ANKS1B: variants seen among roughly 807,000 people sequenced by gnomAD.
ANKS1B encodes ankyrin repeat and sterile alpha motif domain-containing protein 1B.
A neutral mutation model predicts 148.3 loss-of-function variants in ANKS1B; 36 were observed. That is an observed-to-expected ratio of 0.24 (90% CI 0.19 to 0.32). The LOEUF (loss-of-function observed/expected upper bound fraction) is 0.32. Among genes scored for constraint, ANKS1B ranks in the 10% least tolerant of loss-of-function variants. The pLI is 1.00. For missense variants in ANKS1B, 1,157 were observed against 1,542.6 expected (o/e 0.75, Z 4.19); for synonymous variants, 542 against 560.8 (o/e 0.97, Z 0.47).
At chr12:99,048,429 T>C (rs2099963838) in intron 17 of ANKS1B, among the ~76,000 whole-genome samples, 1 of 152,194 alleles carries the variant, frequency 6.6e-6, no homozygotes, top group South Asian at 2.1e-4. Flanking sequence ...ATTTCTGATA[T>C]CAATGCTTTA....
chr12:98,939,453 T>C (rs2099831659), intron 17 of ANKS1B, among the ~76,000 whole-genome samples: 2 of 152,212 alleles, frequency 1.3e-5, no homozygotes, highest in South Asian at 4.1e-4. Flanking sequence ...TGCGGTTAAT[T>C]TTTTTAAGAG....
chr12:99,586,924 T>C (rs2097648153), intron 9 of ANKS1B, among the ~76,000 whole-genome samples: 3 of 152,060 alleles, frequency 2.0e-5, no homozygotes, highest in South Asian at 2.1e-4. Flanking sequence ...TTCCACAACA[T>C]GTAAGAATTA....
intron 1 of ANKS1B, among the ~76,000 whole-genome samples, chr12:99,838,432 C>T (rs760878749): frequency 3.3e-5 from 5 of 152,000 alleles, no homozygotes; most frequent in Non-Finnish European, 4.4e-5. Context: ...TTCATTTTTT[C>T]TATGAGTAGC....
intron 16 of ANKS1B, 52 bp from the exon 17 acceptor site, chr12:99,053,361 C>A (rs3794799): frequency 0.61 from 834,082 of 1,376,116 alleles, 258,560 homozygotes; most frequent in East Asian, 0.71. Context: ...TGTGTCCCAA[C>A]AACAGAATGC....
At chr12:99,129,333 G>C (rs1437267073) in intron 15 of ANKS1B, among the ~76,000 whole-genome samples, 1 of 152,088 alleles carries the variant, frequency 6.6e-6, no homozygotes, top group Non-Finnish European at 1.5e-5. Flanking sequence ...GCAAACCATT[G>C]GCTAAAACCT....
chr12:98,754,443 T>C (rs1045823597), intron 25 of ANKS1B, among the ~76,000 whole-genome samples: 1 of 152,172 alleles, frequency 6.6e-6, no homozygotes, highest in Admixed American at 6.5e-5. Flanking sequence ...AGTCTCACAA[T>C]GAAGACACAG....
intron 12 of ANKS1B, among the ~76,000 whole-genome samples, chr12:99,369,750 AT>A (rs2092989476): frequency 8.4e-6 from 1 of 119,308 alleles, no homozygotes; most frequent in African/African-American, 3.4e-5. Flanking sequence ...GGATAGAAAG[AT>A]AGATAGATAG....
At chr12:98,771,929 A>G (rs1196449015) in intron 25 of ANKS1B, among the ~76,000 whole-genome samples, 3 of 152,202 alleles carry the variant, frequency 2.0e-5, no homozygotes, top group Non-Finnish European at 4.4e-5. Context: ...AGAAATGGCT[A>G]CTAGAGAAAC....
At chr12:98,926,011 G>A (rs1231742758) in intron 17 of ANKS1B, among the ~76,000 whole-genome samples, 1 of 152,130 alleles carries the variant, frequency 6.6e-6, no homozygotes, top group African/African-American at 2.4e-5. Flanking sequence ...GGTTTGAAAA[G>A]CTCTGATAGA....
At chr12:99,415,760 G>C (rs1216469575) in intron 11 of ANKS1B, among the ~76,000 whole-genome samples, 1 of 151,490 alleles carries the variant, frequency 6.6e-6, no homozygotes. Flanking sequence ...CTCGGCTCAC[G>C]GCAAGCTCCG....
chr12:99,052,555 G>A (rs569073268), intron 17 of ANKS1B, among the ~76,000 whole-genome samples: 5 of 147,854 alleles, frequency 3.4e-5, no homozygotes, highest in African/African-American at 5.0e-5. Flanking sequence ...GTGAAACCCC[G>A]TCTCTACTAA....
chr12:99,683,843 T>A (rs1032925836), intron 8 of ANKS1B, among the ~76,000 whole-genome samples: 2 of 151,930 alleles, frequency 1.3e-5, no homozygotes, highest in African/African-American at 2.4e-5. Context: ...ATGTGATACA[T>A]CATATAAACA....
chr12:99,621,538 C>A (rs923155473), intron 9 of ANKS1B, among the ~76,000 whole-genome samples: 1 of 149,954 alleles, frequency 6.7e-6, no homozygotes, highest in Non-Finnish European at 1.5e-5. Flanking sequence ...CACCCATAAG[C>A]TCAAGGTAAA....
Position 98,860,465 on chromosome 12 carries a change from C to T in ANKS1B, c.2779-28329G>A, listed in dbSNP as rs2099593418. The stretch of plus-strand genomic sequence containing the variant: ...TAAACCTTGATAGACAAGCACACTA[C>T]AGCCCTCATCCAAAATATGCACAAA... On this transcript the variant is annotated intron_variant, in intron 17 of 26. Transcript: ENST00000683438. 2.0e-5 allele frequency among the ~76,000 whole-genome samples: 3 copies of T among 152,182 alleles called. No homozygotes were observed. The South Asian group carries it at 6.2e-4, about 31-fold the overall frequency.
intron 1 of ANKS1B, among the ~76,000 whole-genome samples, chr12:99,860,162 T>C (rs1378953125): frequency 6.6e-6 from 1 of 152,188 alleles, no homozygotes; most frequent in Non-Finnish European, 1.5e-5. Context: ...GGTGTTAAGA[T>C]AAAATTCTAT....
intron 8 of ANKS1B, among the ~76,000 whole-genome samples, chr12:99,746,050 T>C (rs1415866878): frequency 2.0e-5 from 3 of 152,094 alleles, no homozygotes; most frequent in African/African-American, 7.2e-5. Flanking sequence ...ACAAAAAGAC[T>C]CAGTTATGTA....
chr12:99,237,961 C>T (rs1018876518), intron 14 of ANKS1B, among the ~76,000 whole-genome samples: 2 of 152,196 alleles, frequency 1.3e-5, no homozygotes, highest in African/African-American at 4.8e-5. Flanking sequence ...GAGCTCTGGT[C>T]TGCAGTTCCC....
Position 99,185,745 on chromosome 12 carries a change from C to G in ANKS1B, c.2420-31350G>C, listed in dbSNP as rs547190468. ...ACGCTTTTCCCATGGTCTTCGCAAC[C>G]TGCAGACCAGGAGATTCCTCCAGTG... On this transcript the variant is annotated intron_variant, in intron 14 of 26. Coordinates refer to ENST00000683438, the MANE Select transcript of ANKS1B (RefSeq NM_001352186.2). 1.6e-3 allele frequency among the ~76,000 whole-genome samples: 237 copies of G among 152,330 alleles called. 2 individuals carry two copies. Among genetic ancestry groups the G allele is most frequent in the African/African-American group, 5.6e-3 (231 of 41,576 alleles).
Position 99,095,804 on chromosome 12 carries a change from T to C in ANKS1B, c.2527-10781A>G, listed in dbSNP as rs1391401414. ...GAAAGTTATCAGATCCAAGTTGGGG[T>C]GTGTGTGTTTGTGTGTCAATTATAG... On this transcript the variant is annotated intron_variant, in intron 15 of 26. Transcript: ENST00000683438. Among the ~76,000 whole-genome samples the C allele has an allele frequency of 2.0e-5, 3 of 151,978 alleles. No homozygotes were observed. The East Asian group carries it at 5.8e-4, about 29-fold the overall frequency.
Sources: gnomAD v4.1 joint callset for allele counts (sites outside exome capture counted in the v4.1 genomes callset) on GRCh38, gnomAD v4.1.1 for gene constraint, MANE v1.5 for transcripts, NCBI Gene and HGNC (gene_info 2026-07-23, HGNC 2026-07-21) for gene names.